The following ZMIZ1 variants were observed in gnomAD, a reference collection of about 807,000 sequenced individuals.
The protein encoded by ZMIZ1 is zinc finger MIZ-type containing 1, also known as zinc finger MIZ domain-containing protein 1.
A neutral mutation model predicts 113.9 loss-of-function variants in ZMIZ1; 17 were observed. That is an observed-to-expected ratio of 0.15 (90% confidence interval 0.10 to 0.22). ZMIZ1 has a LOEUF of 0.22. Ranked by LOEUF, ZMIZ1 falls within the 10% of genes least tolerant of loss-of-function variation. The pLI, the probability that ZMIZ1 is intolerant of heterozygous loss-of-function variation, is 1.00. For synonymous variants in ZMIZ1, 607 were observed against 603.1 expected, an observed-to-expected ratio of 1.01 and a Z score of -0.09; for missense variants, 1,059 against 1,477.8, an observed-to-expected ratio of 0.72 and a Z score of 4.65.
At chr10:79,128,263 CCTCCT>C (rs1435038200) in intron 2 of ZMIZ1, among the ~76,000 whole-genome samples, 7 of 152,258 alleles carry the variant, frequency 4.6e-5, no homozygotes, top group African/African-American at 1.7e-4. Flanking sequence ...GGGGCTCTGC[CCTCCT>C]TGGAGTTTTC....
chr10:79,293,249 A>T, intron 11 of ZMIZ1, 132 bp from the exon 12 acceptor site: 1 of 1,297,450 alleles, frequency 7.7e-7, no homozygotes, highest in Non-Finnish European at 1.1e-6. Context: ...GTCACCAGTC[A>T]CTGCCGCACA....
At chr10:79,128,134 C>G (rs1844594413) in intron 2 of ZMIZ1, among the ~76,000 whole-genome samples, 1 of 152,156 alleles carries the variant, frequency 6.6e-6, no homozygotes, top group South Asian at 2.1e-4. Flanking sequence ...TGGTCTTCTG[C>G]CTCAGGTCTC....
chr10:79,307,492 C>G lies in ZMIZ1; in HGVS notation c.2756C>G (p.Pro919Arg), dbSNP rs1164109482. The change falls in exon 23 of 25, where the codon CCC becomes CGC. Residue 919 changes from proline to arginine, a missense_variant. This residue lies in a region of ZMIZ1 where 225 missense variants were observed against 276.0 expected (regional missense o/e 0.82). Coordinates refer to ENST00000334512, the MANE Select transcript of ZMIZ1 (RefSeq NM_020338.4). ...TSMNDFMHGPPQLSHPPDMPN... is the reference protein window; with the variant it reads ...TSMNDFMHGPRQLSHPPDMPN... ...ATGAATGACTTCATGCACGGGCCCC[C>G]CCAGCTCTCCCACCCCCCGGACATG... 3.7e-6 allele frequency: 6 copies of G among 1,609,710 alleles called. No homozygotes were observed. Among genetic ancestry groups the G allele is most frequent in the Non-Finnish European group, 5.1e-6 (6 of 1,176,512 alleles).
chr10:79,097,657 G>A (rs1843217940), intron 1 of ZMIZ1, among the ~76,000 whole-genome samples: 1 of 152,178 alleles, frequency 6.6e-6, no homozygotes, highest in African/African-American at 2.4e-5. Flanking sequence ...ATGTGCAGCT[G>A]GCAAGCTCTG....
chr10:79,201,230 C>A (rs1242168771), intron 4 of ZMIZ1, among the ~76,000 whole-genome samples: 1 of 152,190 alleles, frequency 6.6e-6, no homozygotes, highest in Non-Finnish European at 1.5e-5. Context: ...ATCGCTTGAA[C>A]CTGGGAGGCA....
At chr10:79,160,373 AG>A (rs1846063303) in intron 3 of ZMIZ1, among the ~76,000 whole-genome samples, 1 of 152,214 alleles carries the variant, frequency 6.6e-6, no homozygotes, top group East Asian at 1.9e-4. Context: ...GTAGGGTTCC[AG>A]CACTCATGGA....
chr10:79,267,794 G>A (rs1331815546), intron 7 of ZMIZ1, among the ~76,000 whole-genome samples: 3 of 152,180 alleles, frequency 2.0e-5, no homozygotes, highest in Non-Finnish European at 2.9e-5. Context: ...TCACCTCATG[G>A]TTCCTCACAC....
At chr10:79,150,137 G>T (rs959659744) in intron 3 of ZMIZ1, among the ~76,000 whole-genome samples, 1 of 152,174 alleles carries the variant, frequency 6.6e-6, no homozygotes, top group Non-Finnish European at 1.5e-5. Flanking sequence ...CTGAGCCAGG[G>T]ATGAGGCGAA....
At chr10:79,091,138 G>C (rs771841498) in intron 1 of ZMIZ1, among the ~76,000 whole-genome samples, 1 of 152,222 alleles carries the variant, frequency 6.6e-6, no homozygotes, top group Non-Finnish European at 1.5e-5. Context: ...CTTTGGGGAA[G>C]CTGGACTGGG....
chr10:79,260,863 G>A (rs1851218842), intron 7 of ZMIZ1, among the ~76,000 whole-genome samples: 1 of 152,282 alleles, frequency 6.6e-6, no homozygotes, highest in South Asian at 2.1e-4. Flanking sequence ...CCTTGGGCAG[G>A]TTTTCTTAAC....
intron 4 of ZMIZ1, among the ~76,000 whole-genome samples, chr10:79,187,854 C>G (rs1476711033): frequency 1.3e-5 from 2 of 152,180 alleles, no homozygotes; most frequent in Non-Finnish European, 2.9e-5. Flanking sequence ...CGCAGTCTGC[C>G]ACTCAGCTTC....
At chr10:79,309,184 G>T (rs898355169) in intron 23 of ZMIZ1, among the ~76,000 whole-genome samples, 16 of 152,234 alleles carry the variant, frequency 1.1e-4, no homozygotes, top group African/African-American at 3.9e-4. Flanking sequence ...TCCAGATGCT[G>T]CTGCCCCCAC....
At chr10:79,136,442 G>C in intron 2 of ZMIZ1, among the ~76,000 whole-genome samples, 1 of 152,224 alleles carries the variant, frequency 6.6e-6, no homozygotes, top group South Asian at 2.1e-4. Flanking sequence ...GGGTGTGCTG[G>C]GTGCTCAGTG....
chr10:79,283,478 A>G (rs1023515554), intron 8 of ZMIZ1, among the ~76,000 whole-genome samples: 1 of 152,230 alleles, frequency 6.6e-6, no homozygotes, highest in African/African-American at 2.4e-5. Context: ...GCCAGGTGCC[A>G]TCAAATTCTT....
chr10:79,256,254 G>GC (rs1564556583), intron 7 of ZMIZ1, among the ~76,000 whole-genome samples: 2 of 152,162 alleles, frequency 1.3e-5, no homozygotes, highest in African/African-American at 4.8e-5. Context: ...ATTCTGGGGG[G>GC]CCTCCTCAGC....
intron 17 of ZMIZ1, 77 bp from the exon 18 acceptor site, chr10:79,302,030 T>C: frequency 1.4e-6 from 2 of 1,467,686 alleles, no homozygotes; most frequent in South Asian, 1.1e-5. Context: ...GGGAGCAGTC[T>C]AGGGCTGCTG....
intron 8 of ZMIZ1, among the ~76,000 whole-genome samples, chr10:79,280,792 A>G (rs1852685616): frequency 6.6e-6 from 1 of 152,070 alleles, no homozygotes; most frequent in Non-Finnish European, 1.5e-5. Flanking sequence ...CTCTAAAAAG[A>G]CAAAACCTGC....
intron 1 of ZMIZ1, among the ~76,000 whole-genome samples, chr10:79,073,920 T>A: frequency 6.6e-6 from 1 of 152,302 alleles, no homozygotes; most frequent in South Asian, 2.1e-4. Context: ...AGACCAGAAC[T>A]GTGGAAGACA....
Position 79,313,645 on chromosome 10 carries a change from CTT to C in ZMIZ1, c.*898_*899del. ...AGCAAACAGGAGCGGCAACTTCTAA[CTT>C]TGCTCCAAGCCACTCTCTTTTTAAA... On this transcript the variant is annotated 3_prime_UTR_variant, in exon 25 of 25. Coordinates refer to ENST00000334512, the MANE Select transcript of ZMIZ1 (RefSeq NM_020338.4). 4.1e-6 allele frequency: 1 copy of C among 246,886 alleles called. No homozygotes were observed. Among genetic ancestry groups the C allele is most frequent in the South Asian group, 4.9e-5 (1 of 20,514 alleles). 15.3% of individuals were successfully genotyped at this position (246,886 alleles called of 1,614,324 possible).
Sources: allele counts gnomAD v4.1 joint callset (sites outside exome capture counted in the v4.1 genomes callset), GRCh38; gene constraint gnomAD v4.1.1; regional missense constraint gnomAD v4.1.1; transcripts MANE v1.5; gene names NCBI Gene and HGNC (gene_info 2026-07-23, HGNC 2026-07-21).